The following ITGA11 variants were observed in gnomAD, a reference collection of about 807,000 sequenced individuals.
The protein encoded by ITGA11 is integrin subunit alpha 11, also known as integrin alpha-11.
Under a neutral mutation model 141.9 loss-of-function variants are expected in ITGA11, and 97 were observed. The observed-to-expected ratio is 0.68, with a 90% confidence interval of 0.58 to 0.81. The LOEUF (loss-of-function observed/expected upper bound fraction) is 0.81, where lower values mean the gene tolerates loss of function less well. ITGA11 is among the 30% of genes least tolerant of loss of function. The pLI is 0.00. For synonymous variants in ITGA11, 658 were observed against 624.6 expected (o/e 1.05, Z -0.80); for missense variants, 1,387 against 1,559.2 (o/e 0.89, Z 1.86).
intron 1 of ITGA11, among the ~76,000 whole-genome samples, chr15:68,410,943 A>G (rs1426403017): frequency 6.6e-6 from 1 of 152,176 alleles, no homozygotes; most frequent in Non-Finnish European, 1.5e-5. Context: ...CTGCTCTCAT[A>G]GGAGACCTAG....
chr15:68,368,273 A>G (rs1185157609), intron 3 of ITGA11, among the ~76,000 whole-genome samples: 1 of 152,176 alleles, frequency 6.6e-6, no homozygotes, highest in Non-Finnish European at 1.5e-5. Flanking sequence ...TCCTGGCCCT[A>G]GGGAAGTCCA....
chr15:68,386,412 C>T (rs1165226010), intron 2 of ITGA11, among the ~76,000 whole-genome samples: 1 of 152,198 alleles, frequency 6.6e-6, no homozygotes, highest in Non-Finnish European at 1.5e-5. Flanking sequence ...TCTGGCCACA[C>T]AGTGCAGAGT....
At chr15:68,366,326 G>T (rs993932118) in intron 3 of ITGA11, among the ~76,000 whole-genome samples, 1 of 152,028 alleles carries the variant, frequency 6.6e-6, no homozygotes, top group Non-Finnish European at 1.5e-5. Context: ...GTGTAGAGAG[G>T]GTTAGTGACT....
At position 68,357,139 on chromosome 15, in the gene ITGA11, C is replaced by A; in HGVS notation, c.749+12G>T. The A allele has an allele frequency of 1.3e-6, 2 of 1,565,696 alleles. No individual in the cohort carries two copies. The highest frequency in any genetic ancestry group is 1.7e-6 in the Non-Finnish European group (2 of 1,150,936). Reference sequence around the variant, plus strand: ...ATCTAAAAAAATTTTTTTTGTTCTACTTTTTTTTTACCGTGCAAATTCAAT... The same window carrying A: ...ATCTAAAAAAATTTTTTTTGTTCTAATTTTTTTTTACCGTGCAAATTCAAT... On this transcript the variant is annotated intron_variant, in intron 7 of 29. Coordinates refer to ENST00000315757, the MANE Select transcript of ITGA11 (RefSeq NM_001004439.2).
intron 2 of ITGA11, among the ~76,000 whole-genome samples, chr15:68,387,749 T>C (rs1298210243): frequency 6.6e-6 from 1 of 152,158 alleles, no homozygotes; most frequent in Non-Finnish European, 1.5e-5. Flanking sequence ...GAGGCACTCC[T>C]GGCTGCTGCT....
intron 4 of ITGA11, among the ~76,000 whole-genome samples, chr15:68,362,681 G>A (rs748342447): frequency 3.3e-5 from 5 of 151,036 alleles, no homozygotes; most frequent in Admixed American, 6.6e-5. Context: ...GATGGAAGAT[G>A]GATGGAAGGA....
chr15:68,351,038 T>C (rs1440339619), intron 8 of ITGA11, among the ~76,000 whole-genome samples: 1 of 152,188 alleles, frequency 6.6e-6, no homozygotes, highest in Non-Finnish European at 1.5e-5. Flanking sequence ...AGACCCTCCC[T>C]GGCAATGGAT....
chr15:68,372,326 T>C (rs1371021908), intron 2 of ITGA11, among the ~76,000 whole-genome samples: 1 of 151,506 alleles, frequency 6.6e-6, no homozygotes. Flanking sequence ...TGGCAGCCCC[T>C]GCCACCCCCT....
At position 68,312,851 on chromosome 15, in the gene ITGA11, C is replaced by G. The variant is rs756594169; in HGVS notation, c.2895G>C (p.Leu965=). The stretch of plus-strand genomic sequence containing the variant: ...TGTTGGGCTTGACCTCGTAGTGGCT[C>G]AGGCTGCTGCTCCTGCGGAGACAGA... ...ADVLFTRSSS[L]SHYEVKPNSS... is the part of the protein sequence containing the mutation. Residue 965 remains leucine (L), a synonymous_variant, in exon 24 of 30, where the codon CTG becomes CTC. Transcript: ENST00000315757. 3 of 1,613,084 alleles carry G rather than the reference C, an allele frequency of 1.9e-6. No individual in the cohort carries two copies. The African/African-American group carries it at 4.0e-5, about 22-fold the overall frequency.
chr15:68,416,646 C>G (rs1205109269), intron 1 of ITGA11, among the ~76,000 whole-genome samples: 14 of 152,208 alleles, frequency 9.2e-5, no homozygotes, highest in Admixed American at 9.2e-4. Flanking sequence ...AGGGTCATGG[C>G]TGGGTGCGGT....
chr15:68,306,323 CTCTG>C (rs768063842), intron 28 of ITGA11, among the ~76,000 whole-genome samples: 14 of 134,700 alleles, frequency 1.0e-4, no homozygotes, highest in Admixed American at 4.3e-4. Context: ...CTCTCTCTCT[CTCTG>C]TGTGTGTGAG....
intron 10 of ITGA11, among the ~76,000 whole-genome samples, chr15:68,342,156 C>CA (rs768554683): frequency 1.3e-4 from 20 of 151,872 alleles, no homozygotes; most frequent in Non-Finnish European, 2.2e-4. Flanking sequence ...AAGGGTGGGG[C>CA]AAAAAAAGAG....
At chr15:68,415,164 G>T (rs1012463915) in intron 1 of ITGA11, among the ~76,000 whole-genome samples, 6 of 152,320 alleles carry the variant, frequency 3.9e-5, no homozygotes, top group African/African-American at 1.4e-4. Context: ...TGAAGGAAGC[G>T]CTATGGAGTC....
intron 2 of ITGA11, among the ~76,000 whole-genome samples, chr15:68,396,429 G>A (rs1341142034): frequency 6.6e-6 from 1 of 151,946 alleles, no homozygotes; most frequent in East Asian, 1.9e-4. Context: ...TTAATCTGGA[G>A]TTATCTACAA....
At chr15:68,398,785 G>A (rs1027955929) in intron 2 of ITGA11, among the ~76,000 whole-genome samples, 7 of 145,854 alleles carry the variant, frequency 4.8e-5, no homozygotes, top group African/African-American at 1.7e-4. Context: ...GAAATGAATA[G>A]TATAAAATGA....
Position 68,343,189 on chromosome 15 carries a change from G to A in ITGA11, c.1132-3545C>T, listed in dbSNP as rs74020047. On this transcript the variant is annotated intron_variant, in intron 10 of 29. Transcript: ENST00000315757. The stretch of plus-strand genomic sequence containing the variant: ...ATCTGTAAGCATCTCCCCAGTGGTC[G>A]GGAGTCGAAGAATCAGGTGTCACAG... 5.5e-3 allele frequency among the ~76,000 whole-genome samples: 834 copies of A among 152,206 alleles called. 8 individuals are homozygous for A. Among genetic ancestry groups the A allele is most frequent in the African/African-American group, 0.019 (787 of 41,514 alleles).
chr15:68,420,489 C>T (rs1394164674), intron 1 of ITGA11, among the ~76,000 whole-genome samples: 1 of 152,234 alleles, frequency 6.6e-6, no homozygotes, highest in African/African-American at 2.4e-5. Flanking sequence ...GTAAGCGATG[C>T]TCAATGGCCA....
In ITGA11 at chr15:68,335,588, G is replaced by T; in HGVS notation, c.1425+109C>A. 1 of 1,275,050 alleles carries T rather than the reference G, an allele frequency of 7.8e-7. No homozygotes were observed. The highest frequency in any genetic ancestry group is 1.1e-6 in the Non-Finnish European group (1 of 909,344). 79.0% of individuals were successfully genotyped at this position (1,275,050 alleles called of 1,614,324 possible). A position where few individuals can be genotyped will look rare whatever the true frequency, so the allele number is the denominator to read the frequency against. Reference sequence around the variant, plus strand: ...TGAAGGTGGCTGGAGGAACATGACTGCCCTTTGGGGCACCCAGTGGTCCAG... The same window carrying T: ...TGAAGGTGGCTGGAGGAACATGACTTCCCTTTGGGGCACCCAGTGGTCCAG... On this transcript the variant is annotated intron_variant, in intron 12 of 29. Coordinates refer to ENST00000315757, the MANE Select transcript of ITGA11 (RefSeq NM_001004439.2). The surrounding 1 kb of genome is among the most constrained non-coding windows in gnomAD (Gnocchi z 4.9).
intron 10 of ITGA11, among the ~76,000 whole-genome samples, chr15:68,345,556 C>T (rs1051065247): frequency 5.9e-5 from 9 of 152,214 alleles, no homozygotes; most frequent in African/African-American, 1.7e-4. Flanking sequence ...AAGGAGGAGC[C>T]GGGCCTTTCT....
Sources: gnomAD v4.1 joint callset for allele counts (sites outside exome capture counted in the v4.1 genomes callset) on GRCh38, gnomAD v4.1.1 for gene constraint, Gnocchi (gnomAD v3.1) non-coding constraint, MANE v1.5 for transcripts, NCBI Gene and HGNC (gene_info 2026-07-23, HGNC 2026-07-21) for gene names.